Variants in SLC25A48 observed in about 807,000 individuals in gnomAD.
SLC25A48 encodes the protein CTC-321K16.1.
SLC25A48 carries 29 observed loss-of-function variants against 32.2 expected under a neutral mutation model. The ratio of observed to expected loss-of-function variants is 0.90; its 90% CI spans 0.67 to 1.23. The LOEUF (loss-of-function observed/expected upper bound fraction) is 1.23, where lower values mean the gene tolerates loss of function less well. SLC25A48 is among the 50% of genes most tolerant of loss of function. The probability of loss-of-function intolerance (pLI) is 0.00; values close to 1 mark genes in which losing one functional copy is unlikely to be tolerated. For synonymous variants in SLC25A48, 164 were observed against 172.3 expected (o/e 0.95, Z 0.38); for missense variants, 399 against 422.7 (o/e 0.94, Z 0.49).
chr5:135,652,903 C>A (rs1753149711), intron 3 of SLC25A48, among the ~76,000 whole-genome samples: 1 of 152,118 alleles, frequency 6.6e-6, no homozygotes, highest in Non-Finnish European at 1.5e-5. Context: ...AATTTCATCT[C>A]CAATGCAACA....
In SLC25A48 at chr5:135,880,253, A is replaced by G; in HGVS notation, c.*7+156A>G. 3 of 1,120,418 alleles carry G rather than the reference A, an allele frequency of 2.7e-6. 1 individual carries two copies. The Middle Eastern group carries it at 8.3e-4, about 311-fold the overall frequency. The allele number at this position is 1,120,418 out of a possible 1,614,324, so 69.4% of individuals were successfully genotyped here. On this transcript the variant is annotated intron_variant, in intron 7 of 7. Transcript: ENST00000681962. The stretch of plus-strand genomic sequence containing the variant: ...GGGGCTGCCACCCTTTTCGTCACCA[A>G]ACAGCAGTTCAGAAATGCCCACCAG...
chr5:135,683,477 A>G (rs1469898988), intron 3 of SLC25A48, among the ~76,000 whole-genome samples: 2 of 150,892 alleles, frequency 1.3e-5, no homozygotes, highest in East Asian at 2.0e-4. Flanking sequence ...GCAGTTCTGT[A>G]TTTATAAGTG....
intron 2 of SLC25A48, among the ~76,000 whole-genome samples, chr5:135,846,413 G>GC (rs1759423819): frequency 1.3e-5 from 2 of 152,156 alleles, no homozygotes; most frequent in Admixed American, 6.5e-5. Flanking sequence ...ATTCTAGGCT[G>GC]CCCCCTCACT....
intron 1 of SLC25A48, among the ~76,000 whole-genome samples, chr5:135,622,267 C>T (rs922108589): frequency 2.0e-5 from 3 of 152,172 alleles, no homozygotes; most frequent in Non-Finnish European, 2.9e-5. Context: ...ATGCTTATAT[C>T]AAGAGCCTGA....
At chr5:135,688,071 TTCTG>T (rs1195534838) in intron 3 of SLC25A48, among the ~76,000 whole-genome samples, 1 of 18,248 alleles carries the variant, frequency 5.5e-5, no homozygotes, top group African/African-American at 1.9e-4. Flanking sequence ...CAAGTCTAGT[TTCTG>T]TCTGTGTGAT....
At chr5:135,830,555 T>C (rs1758178416), upstream of SLC25A48, among the ~76,000 whole-genome samples, 2 of 152,204 alleles carry the variant, frequency 1.3e-5, 1 homozygote, top group Admixed American at 1.3e-4. Flanking sequence ...GAACAGGTGA[T>C]GGGCCAGATT....
chr5:135,702,245 A>G (rs1041341822), intron 3 of SLC25A48, among the ~76,000 whole-genome samples: 1 of 152,224 alleles, frequency 6.6e-6, no homozygotes, highest in Non-Finnish European at 1.5e-5. Flanking sequence ...TTATTTGCAA[A>G]TGGGTCTTTG....
chr5:135,752,779 T>G (rs1315291457), intron 3 of SLC25A48, among the ~76,000 whole-genome samples: 1 of 152,148 alleles, frequency 6.6e-6, no homozygotes, highest in Non-Finnish European at 1.5e-5. Context: ...ATGAATAATG[T>G]CACTGGGTGT....
chr5:135,665,205 G>A (rs1281779258), intron 3 of SLC25A48, among the ~76,000 whole-genome samples: 1 of 151,892 alleles, frequency 6.6e-6, no homozygotes, highest in Non-Finnish European at 1.5e-5. Context: ...CATGTTTGTT[G>A]GCTATTTGTA....
chr5:135,640,050 T>C (rs1752796361), intron 3 of SLC25A48, among the ~76,000 whole-genome samples: 6 of 152,142 alleles, frequency 3.9e-5, no homozygotes, highest in Admixed American at 3.9e-4. Flanking sequence ...AAAGATGGAC[T>C]TAATGGGGAA....
intron 3 of SLC25A48, among the ~76,000 whole-genome samples, chr5:135,642,680 TG>T (rs879576737): frequency 6.6e-6 from 1 of 152,180 alleles, no homozygotes; most frequent in Non-Finnish European, 1.5e-5. Context: ...AGGGAAATGT[TG>T]TGTTGGATTC....
chr5:135,820,892 G>A (rs1157694900), intron 4 of SLC25A48, among the ~76,000 whole-genome samples: 1 of 152,200 alleles, frequency 6.6e-6, no homozygotes, highest in East Asian at 1.9e-4. Flanking sequence ...GAGAGATGTG[G>A]TAGCCATGCC....
intron 1 of SLC25A48, among the ~76,000 whole-genome samples, chr5:135,621,731 T>C (rs1427798357): frequency 6.6e-6 from 1 of 152,202 alleles, no homozygotes; most frequent in Non-Finnish European, 1.5e-5. Context: ...ATCGGTGTTT[T>C]TCAAAGGTGT....
At chr5:135,747,741 T>C (rs11957326) in intron 3 of SLC25A48, among the ~76,000 whole-genome samples, 1,860 of 152,334 alleles carry the variant, frequency 0.012, 36 homozygotes, top group African/African-American at 0.042. Context: ...ATCAGTTGCC[T>C]GTCAGTACTA....
intron 2 of SLC25A48, among the ~76,000 whole-genome samples, chr5:135,846,626 T>C (rs1376754539): frequency 6.6e-6 from 1 of 152,102 alleles, no homozygotes; most frequent in African/African-American, 2.4e-5. Flanking sequence ...AGAGAAACCA[T>C]GAACTGGAGT....
At chr5:135,723,398 ACACACAC>A (rs372369663) in intron 3 of SLC25A48, among the ~76,000 whole-genome samples, 40,798 of 150,762 alleles carry the variant, frequency 0.27, 5,721 homozygotes, top group East Asian at 0.47. Context: ...ACACACACAC[ACACACAC>A]ACACACACAA....
chr5:135,613,657 A>G (rs887050011), intron 1 of SLC25A48, among the ~76,000 whole-genome samples: 14 of 152,136 alleles, frequency 9.2e-5, no homozygotes, highest in African/African-American at 3.4e-4. Flanking sequence ...CTATGGATCT[A>G]TGGATATCCA....
chr5:135,832,157 T>C (rs1292706790), upstream of SLC25A48, among the ~76,000 whole-genome samples: 5 of 151,852 alleles, frequency 3.3e-5, no homozygotes, highest in African/African-American at 1.2e-4. Context: ...AGGTGTTGAG[T>C]AGAGGGATGT....
At chr5:135,587,847 A>T (rs1751407359) in intron 1 of SLC25A48, among the ~76,000 whole-genome samples, 1 of 152,266 alleles carries the variant, frequency 6.6e-6, no homozygotes. Context: ...TCATATCAAA[A>T]GCAAGGAGGG....
Sources: allele counts gnomAD v4.1 joint callset (sites outside exome capture counted in the v4.1 genomes callset), GRCh38; gene constraint gnomAD v4.1.1; transcripts MANE v1.5; gene names NCBI Gene and HGNC (gene_info 2026-07-23, HGNC 2026-07-21).